NLGN1: variants seen among roughly 807,000 people sequenced by gnomAD.
NLGN1 encodes the protein neuroligin 1.
A neutral mutation model predicts 65.5 loss-of-function variants in NLGN1; 12 were observed. The observed-to-expected ratio is 0.18, with a 90% CI of 0.12 to 0.30. The LOEUF (loss-of-function observed/expected upper bound fraction) is 0.30, where lower values mean the gene tolerates loss of function less well. NLGN1 is among the 10% of genes least tolerant of loss of function. NLGN1 has a pLI of 1.00. For missense variants in NLGN1, 750 were observed against 1,007.1 expected, an observed-to-expected ratio of 0.74 and a Z score of 3.46; for synonymous variants, 350 against 359.5, an observed-to-expected ratio of 0.97 and a Z score of 0.30.
At chr3:174,190,002 G>A (rs1378503602) in intron 4 of NLGN1, among the ~76,000 whole-genome samples, 2 of 152,004 alleles carry the variant, frequency 1.3e-5, no homozygotes, top group Non-Finnish European at 2.9e-5. Context: ...TTTACAGCTA[G>A]GTGACTTGAA....
At chr3:174,204,419 T>C (rs140001531) in intron 4 of NLGN1, among the ~76,000 whole-genome samples, 2,169 of 152,350 alleles carry the variant, frequency 0.014, 61 homozygotes, top group African/African-American at 0.049. Flanking sequence ...GAAATCTTCA[T>C]TGAACATTCC....
intron 4 of NLGN1, among the ~76,000 whole-genome samples, chr3:174,181,349 G>T (rs1162048261): frequency 6.6e-6 from 1 of 152,052 alleles, no homozygotes; most frequent in Non-Finnish European, 1.5e-5. Context: ...ATGACTCATT[G>T]TGGGAGTTCT....
At chr3:173,422,925 A>AGTGTG (rs1715377075) in intron 1 of NLGN1, among the ~76,000 whole-genome samples, 1 of 152,196 alleles carries the variant, frequency 6.6e-6, no homozygotes. Flanking sequence ...CACTGCTATA[A>AGTGTG]AGATACTATC....
intron 5 of NLGN1, among the ~76,000 whole-genome samples, chr3:174,278,461 CCAAA>C (rs1398822239): frequency 2.6e-5 from 4 of 151,910 alleles, no homozygotes; most frequent in African/African-American, 7.2e-5. Flanking sequence ...AGGAAATATT[CCAAA>C]CAGACAATGT....
chr3:173,757,639 A>G (rs951741245), intron 3 of NLGN1, among the ~76,000 whole-genome samples: 2 of 152,132 alleles, frequency 1.3e-5, no homozygotes, highest in South Asian at 2.1e-4. Context: ...CAATGTGCAG[A>G]TATCGTTTAT....
intron 4 of NLGN1, among the ~76,000 whole-genome samples, chr3:173,830,824 G>A (rs1722397646): frequency 6.6e-6 from 1 of 152,108 alleles, no homozygotes; most frequent in Non-Finnish European, 1.5e-5. Flanking sequence ...AAATGTTCTG[G>A]AGGAATCATG....
chr3:173,897,256 A>T (rs1367147038), intron 4 of NLGN1, among the ~76,000 whole-genome samples: 1 of 152,212 alleles, frequency 6.6e-6, no homozygotes. Context: ...CCCGCTAGAG[A>T]TCATCACCTG....
chr3:174,248,297 C>T (rs1156621881), intron 4 of NLGN1, among the ~76,000 whole-genome samples: 1 of 152,116 alleles, frequency 6.6e-6, no homozygotes, highest in Non-Finnish European at 1.5e-5. Flanking sequence ...TTCCCCTCAA[C>T]CTTCTCAAAT....
At chr3:173,837,753 T>C (rs905382153) in intron 4 of NLGN1, among the ~76,000 whole-genome samples, 4 of 152,224 alleles carry the variant, frequency 2.6e-5, no homozygotes, top group African/African-American at 7.2e-5. Flanking sequence ...TATTTTTCTT[T>C]TTAACTATGG....
At chr3:173,451,104 A>G (rs1721423713) in intron 2 of NLGN1, among the ~76,000 whole-genome samples, 1 of 152,098 alleles carries the variant, frequency 6.6e-6, no homozygotes, top group Non-Finnish European at 1.5e-5. Context: ...ATTGCTGGTG[A>G]GGAGCTGCAT....
chr3:173,794,923 G>T (rs187176528), intron 3 of NLGN1, among the ~76,000 whole-genome samples: 2 of 152,182 alleles, frequency 1.3e-5, no homozygotes, highest in East Asian at 3.9e-4. Flanking sequence ...CTAGAGCAGA[G>T]AAAAATTCTC....
intron 4 of NLGN1, among the ~76,000 whole-genome samples, chr3:173,929,130 G>C: frequency 6.6e-6 from 1 of 152,240 alleles, no homozygotes. Context: ...GGAAAAATTA[G>C]ATATATTCCA....
At chr3:173,666,459 T>C (rs1309567824) in intron 3 of NLGN1, among the ~76,000 whole-genome samples, 2 of 152,134 alleles carry the variant, frequency 1.3e-5, no homozygotes, top group Non-Finnish European at 2.9e-5. Flanking sequence ...AAATGCCTAA[T>C]GTATTGGTGT....
intron 4 of NLGN1, among the ~76,000 whole-genome samples, chr3:174,128,983 A>G (rs1719552002): frequency 6.6e-6 from 1 of 152,158 alleles, no homozygotes; most frequent in African/African-American, 2.4e-5. Flanking sequence ...GGAGAGCAGA[A>G]CGTTGCATCT....
At chr3:174,043,896 G>A (rs959735333) in intron 4 of NLGN1, among the ~76,000 whole-genome samples, 1 of 152,172 alleles carries the variant, frequency 6.6e-6, no homozygotes, top group Non-Finnish European at 1.5e-5. Context: ...TCTCCATGAG[G>A]TCTCTGCCCC....
At chr3:173,690,593 A>G (rs745480179) in intron 3 of NLGN1, among the ~76,000 whole-genome samples, 4 of 152,160 alleles carry the variant, frequency 2.6e-5, no homozygotes, top group Non-Finnish European at 5.9e-5. Context: ...GAACAAATAC[A>G]TGAATTATGT....
At chr3:174,046,597 G>A (rs1733654440) in intron 4 of NLGN1, among the ~76,000 whole-genome samples, 1 of 152,096 alleles carries the variant, frequency 6.6e-6, no homozygotes, top group Non-Finnish European at 1.5e-5. Flanking sequence ...ACTGTGCTTA[G>A]AAGGAATAAA....
At chr3:173,457,906 G>A (rs1722766301) in intron 2 of NLGN1, among the ~76,000 whole-genome samples, 1 of 152,008 alleles carries the variant, frequency 6.6e-6, no homozygotes, top group African/African-American at 2.4e-5. Context: ...CATGTGTGTG[G>A]TGTGTGTAAT....
intron 3 of NLGN1, among the ~76,000 whole-genome samples, chr3:173,648,079 A>T (rs73046478): frequency 0.013 from 1,911 of 152,244 alleles, 43 homozygotes; most frequent in African/African-American, 0.043. Context: ...AGTGCAAAGA[A>T]CCTAGAATTT....
Sources: allele counts gnomAD v4.1 joint callset (sites outside exome capture counted in the v4.1 genomes callset), GRCh38; gene constraint gnomAD v4.1.1; transcripts MANE v1.5; gene names NCBI Gene and HGNC (gene_info 2026-07-23, HGNC 2026-07-21).